The following SHOC2 variants were observed in gnomAD, a reference collection of about 807,000 sequenced individuals.
SHOC2 encodes leucine-rich repeat protein SHOC-2.
SHOC2 carries 4 observed loss-of-function variants against 50.2 expected under a neutral mutation model. The ratio of observed to expected loss-of-function variants is 0.08; its 90% CI spans 0.04 to 0.18. The LOEUF (loss-of-function observed/expected upper bound fraction) is 0.18. Among genes scored for constraint, SHOC2 ranks in the 10% least tolerant of loss-of-function variants. The pLI is 1.00. For missense variants in SHOC2, 388 were observed against 669.6 expected (o/e 0.58, Z 4.64); for synonymous variants, 218 against 244.5 (o/e 0.89, Z 1.01).
At chr10:110,928,836 A>G (rs1846830429) in intron 1 of SHOC2, among the ~76,000 whole-genome samples, 1 of 152,164 alleles carries the variant, frequency 6.6e-6, no homozygotes, top group African/African-American at 2.4e-5. Flanking sequence ...TGGAGGTTGC[A>G]GTGAGCCTAG....
chr10:110,936,102 T>G (rs1202519312), intron 1 of SHOC2, among the ~76,000 whole-genome samples: 1 of 151,180 alleles, frequency 6.6e-6, no homozygotes, highest in Non-Finnish European at 1.5e-5. Flanking sequence ...CTGATTTTTT[T>G]TTTTTTTTTT....
At chr10:110,936,093 T>C (rs1847002246) in intron 1 of SHOC2, among the ~76,000 whole-genome samples, 1 of 148,370 alleles carries the variant, frequency 6.7e-6, no homozygotes, top group African/African-American at 2.5e-5. Context: ...ATTGCTTCAC[T>C]GATTTTTTTT....
chr10:110,929,163 T>C (rs563997959), intron 1 of SHOC2, among the ~76,000 whole-genome samples: 9 of 152,348 alleles, frequency 5.9e-5, no homozygotes, highest in African/African-American at 1.9e-4. Flanking sequence ...TCTTTGAAAA[T>C]TGATAATCTA....
chr10:110,937,854 T>C (rs2134086578), intron 1 of SHOC2, among the ~76,000 whole-genome samples: 1 of 152,316 alleles, frequency 6.6e-6, no homozygotes, highest in African/African-American at 2.4e-5. Context: ...AACTAGTAAG[T>C]CTGCAATTAA....
chr10:110,991,593 TGTA>T (rs1445646906), intron 3 of SHOC2, among the ~76,000 whole-genome samples: 7 of 152,318 alleles, frequency 4.6e-5, no homozygotes, highest in South Asian at 2.1e-4. Context: ...TTTATGATAT[TGTA>T]GTCATTTATC....
intron 1 of SHOC2, among the ~76,000 whole-genome samples, chr10:110,938,918 A>G (rs1313451307): frequency 1.1e-4 from 16 of 152,210 alleles, no homozygotes; most frequent in Admixed American, 9.8e-4. Context: ...TAACTGTGGT[A>G]GTATGTTTTC....
At chr10:110,999,465 C>T (rs940538806) in intron 3 of SHOC2, among the ~76,000 whole-genome samples, 3 of 151,902 alleles carry the variant, frequency 2.0e-5, no homozygotes, top group Non-Finnish European at 4.4e-5. Flanking sequence ...CAGCTGGGCG[C>T]AGTGGCTCAC....
chr10:110,927,265 T>C lies in SHOC2; in HGVS notation c.-235+7608T>C, dbSNP rs560461651. 3.9e-5 allele frequency among the ~76,000 whole-genome samples: 6 copies of C among 152,332 alleles called. No individual in the cohort carries two copies. The South Asian group carries it at 1.2e-3, about 32-fold the overall frequency. On this transcript the variant is annotated intron_variant, in intron 1 of 8. Transcript: ENST00000369452. ...TTTGGGTTTGTATATATCTGCGATA[T>C]AGAATTCAAAATTTCACCAGAGCTT...
At chr10:110,945,778 G>A (rs1301643822) in intron 1 of SHOC2, among the ~76,000 whole-genome samples, 1 of 152,046 alleles carries the variant, frequency 6.6e-6, no homozygotes, top group Non-Finnish European at 1.5e-5. Flanking sequence ...ATGTTGCGCA[G>A]CCTCCTCCTT....
At chr10:110,974,566 TC>T (rs1268245554) in intron 2 of SHOC2, among the ~76,000 whole-genome samples, 3 of 152,152 alleles carry the variant, frequency 2.0e-5, no homozygotes, top group Non-Finnish European at 2.9e-5. Flanking sequence ...AGCCACTTGT[TC>T]CTTTTTTCCC....
At chr10:110,985,131 A>C (rs1848054165) in intron 2 of SHOC2, among the ~76,000 whole-genome samples, 1 of 152,328 alleles carries the variant, frequency 6.6e-6, no homozygotes, top group East Asian at 1.9e-4. Context: ...AACTTTTAAG[A>C]TAATATTTTA....
chr10:110,989,605 A>T (rs966002781), intron 3 of SHOC2, among the ~76,000 whole-genome samples: 5 of 152,230 alleles, frequency 3.3e-5, no homozygotes, highest in African/African-American at 1.2e-4. Flanking sequence ...AATGTACAAA[A>T]ATAAGAGGCC....
intron 1 of SHOC2, among the ~76,000 whole-genome samples, chr10:110,960,621 A>T (rs1847552511): frequency 6.6e-6 from 1 of 152,164 alleles, no homozygotes; most frequent in African/African-American, 2.4e-5. Flanking sequence ...AATTTGGAAT[A>T]TAGTTATGTT....
chr10:110,940,386 G>T (rs1363840318), intron 1 of SHOC2, among the ~76,000 whole-genome samples: 1 of 152,072 alleles, frequency 6.6e-6, no homozygotes, highest in African/African-American at 2.4e-5. Flanking sequence ...TCTTAGAAAA[G>T]AAATGAATCA....
intron 1 of SHOC2, among the ~76,000 whole-genome samples, chr10:110,959,598 A>C (rs1847534230): frequency 6.6e-6 from 1 of 152,222 alleles, no homozygotes. Flanking sequence ...TCTACATAGA[A>C]TCACCTGGAA....
At chr10:110,993,302 G>A (rs1848216165) in intron 3 of SHOC2, among the ~76,000 whole-genome samples, 1 of 152,202 alleles carries the variant, frequency 6.6e-6, no homozygotes, top group African/African-American at 2.4e-5. Context: ...GGTTAGAGCT[G>A]AAACCACTGC....
chr10:110,991,454 CATT>C (rs1848184884), intron 3 of SHOC2, among the ~76,000 whole-genome samples: 1 of 152,080 alleles, frequency 6.6e-6, no homozygotes, highest in Non-Finnish European at 1.5e-5. Flanking sequence ...AGAACTGAAA[CATT>C]AACAACAAGA....
chr10:110,984,364 C>A (rs1236025184), intron 2 of SHOC2, among the ~76,000 whole-genome samples: 1 of 151,904 alleles, frequency 6.6e-6, no homozygotes, highest in Admixed American at 6.6e-5. Context: ...TTGTGGTGGT[C>A]TTGTTTTATT....
chr10:110,937,290 G>C (rs1467354985), intron 1 of SHOC2: 22 of 731,822 alleles, frequency 3.0e-5, no homozygotes, highest in Non-Finnish European at 4.9e-5. Context: ...TCCTGACTCT[G>C]TGTTTCAGTG....
Sources: allele counts gnomAD v4.1 joint callset (sites outside exome capture counted in the v4.1 genomes callset), GRCh38; gene constraint gnomAD v4.1.1; transcripts MANE v1.5; gene names NCBI Gene and HGNC (gene_info 2026-07-23, HGNC 2026-07-21).